DNAAF5: variants seen among roughly 807,000 people sequenced by gnomAD.
DNAAF5 encodes HEAT repeat containing 2.
DNAAF5 carries 64 observed loss-of-function variants against 75.8 expected under a neutral mutation model. That is an observed-to-expected ratio of 0.84 (90% CI 0.69 to 1.04). DNAAF5 has a LOEUF of 1.04. Among genes scored for constraint, DNAAF5 ranks in the 50% least tolerant of loss-of-function variants. DNAAF5 has a pLI of 0.00. For synonymous variants in DNAAF5, 657 were observed against 557.2 expected, an observed-to-expected ratio of 1.18 and a Z score of -2.52; for missense variants, 1,269 against 1,178.5, an observed-to-expected ratio of 1.08 and a Z score of -1.12.
chr7:730,832 C>T (rs775121912), intron 2 of DNAAF5, among the ~76,000 whole-genome samples: 1 of 152,180 alleles, frequency 6.6e-6, no homozygotes, highest in Non-Finnish European at 1.5e-5. Context: ...CTCATCAGGC[C>T]AGCGGAAGTT....
chr7:739,058 CTGGGGG>C (rs1781821632), intron 2 of DNAAF5, among the ~76,000 whole-genome samples: 1 of 144,760 alleles, frequency 6.9e-6, no homozygotes, highest in Non-Finnish European at 1.5e-5. Context: ...CCTGTTTGGG[CTGGGGG>C]CTGGCTGCAG....
At chr7:781,621 TC>T (rs1404347348) in intron 12 of DNAAF5, among the ~76,000 whole-genome samples, 1 of 152,176 alleles carries the variant, frequency 6.6e-6, no homozygotes, top group African/African-American at 2.4e-5. Context: ...TCATTTACAT[TC>T]CCACCAGCAG....
chr7:753,540 CAT>C (rs796788385), intron 4 of DNAAF5, among the ~76,000 whole-genome samples: 3 of 152,350 alleles, frequency 2.0e-5, no homozygotes, highest in African/African-American at 7.2e-5. Flanking sequence ...CCGTGTCTCT[CAT>C]ATGGCGATGG....
At chr7:770,864 C>G (rs1778539073) in intron 9 of DNAAF5, 1 of 470,742 alleles carries the variant, frequency 2.1e-6, no homozygotes, top group Non-Finnish European at 3.9e-6. Flanking sequence ...CCACAGCACT[C>G]TGGGTGAGGG....
chr7:765,624 T>C (rs1049903005), intron 8 of DNAAF5, among the ~76,000 whole-genome samples: 1 of 152,226 alleles, frequency 6.6e-6, no homozygotes, highest in Non-Finnish European at 1.5e-5. Context: ...GGCCCACATC[T>C]CCTGTCATTC....
At chr7:785,309 C>T (rs935893101) in intron 12 of DNAAF5, among the ~76,000 whole-genome samples, 2 of 151,190 alleles carry the variant, frequency 1.3e-5, no homozygotes, top group African/African-American at 4.9e-5. Context: ...GTGTCCCCAT[C>T]CAGCAGCGTC....
In DNAAF5 at chr7:746,586, C is replaced by T. The variant is rs561121102; in HGVS notation, c.1024+5121C>T. On this transcript the variant is annotated intron_variant, in intron 4 of 12. Transcript: ENST00000297440. ...CCCAGGCTCTGTGTCGTCCCTTTTC[C>T]CCGCCCGTCGTGCCTAGGGACTGTG... Among the ~76,000 whole-genome samples the T allele has an allele frequency of 3.3e-5, 5 of 150,526 alleles. 1 individual carries two copies. In the South Asian group the frequency reaches 1.1e-3, roughly 32 times the overall value.
chr7:770,668 G>A (rs766004862), intron 9 of DNAAF5, 50 bp downstream of exon 9: 2 of 1,582,354 alleles, frequency 1.3e-6, no homozygotes, highest in Non-Finnish European at 1.7e-6. Flanking sequence ...GCCTGGGCCA[G>A]GGGTCCCCAT....
chr7:744,434 T>C (rs1448501512), intron 4 of DNAAF5, among the ~76,000 whole-genome samples: 4 of 152,240 alleles, frequency 2.6e-5, no homozygotes, highest in African/African-American at 9.6e-5. Flanking sequence ...GCATGATTTA[T>C]AGTCCTTTGG....
intron 4 of DNAAF5, among the ~76,000 whole-genome samples, chr7:744,973 C>T (rs984137394): frequency 3.9e-5 from 6 of 152,168 alleles, no homozygotes; most frequent in Non-Finnish European, 8.8e-5. Context: ...AACTCACACT[C>T]TTGTCTCTGC....
chr7:758,406 G>A (rs533735501), intron 6 of DNAAF5, among the ~76,000 whole-genome samples: 6 of 152,258 alleles, frequency 3.9e-5, no homozygotes, highest in Admixed American at 6.5e-5. Context: ...CAGTTTTATC[G>A]AGGAAAAATT....
intron 2 of DNAAF5, among the ~76,000 whole-genome samples, chr7:730,724 G>C (rs889700255): frequency 4.6e-5 from 7 of 152,196 alleles, no homozygotes; most frequent in African/African-American, 1.7e-4. Flanking sequence ...TCATTCTCCG[G>C]CTCTCTCCCT....
chr7:728,514 T>C (rs1355882959), intron 1 of DNAAF5, among the ~76,000 whole-genome samples: 1 of 152,250 alleles, frequency 6.6e-6, no homozygotes, highest in African/African-American at 2.4e-5. Context: ...GTTGGTTAAC[T>C]TTGGATTTCA....
chr7:780,252 G>C lies in DNAAF5; in HGVS notation c.2431+108G>C, dbSNP rs898439215. 7 of 1,030,642 alleles carry C rather than the reference G, an allele frequency of 6.8e-6. No homozygotes were observed. In the African/African-American group the frequency reaches 8.0e-5, roughly 12 times the overall value. The allele number at this position is 1,030,642 out of a possible 1,614,324, so 63.8% of individuals were successfully genotyped here. ...GGCCACAGGGCCCTGGGGCACAGGAGGGGCCTCAGCTCCGGCCTGGCACAC... is the reference window on the plus strand; with the variant it reads ...GGCCACAGGGCCCTGGGGCACAGGACGGGCCTCAGCTCCGGCCTGGCACAC... On this transcript the variant is annotated intron_variant, in intron 12 of 12. Coordinates refer to ENST00000297440, the MANE Select transcript of DNAAF5 (RefSeq NM_017802.4).
chr7:762,022 G>A, intron 7 of DNAAF5, 126 bp downstream of exon 7: 1 of 126,068 alleles, frequency 7.9e-6, no homozygotes, highest in Non-Finnish European at 1.2e-5. Context: ...CAGGGATTGA[G>A]AACCTTGCGG....
intron 12 of DNAAF5, among the ~76,000 whole-genome samples, chr7:782,064 G>T (rs574340641): frequency 2.0e-5 from 3 of 152,344 alleles, no homozygotes; most frequent in African/African-American, 7.2e-5. Flanking sequence ...GCGCAGCTGC[G>T]TCCGGTTTCC....
rs775678178 is a variant in DNAAF5, at chr7:761,880, C to T, written c.1598C>T (p.Thr533Ile). 14 of 1,576,954 alleles carry T rather than the reference C, an allele frequency of 8.9e-6. No individual in the cohort carries two copies. In the African/African-American group the frequency reaches 1.8e-4, roughly 20 times the overall value. Residue 533 changes from threonine to isoleucine, a missense_variant, in exon 7 of 13, where the codon ACC becomes ATC. Thr to Ile is a moderately conservative substitution (Grantham distance 89). Transcript: ENST00000297440. ...ACAATAGTGGCCCTCGCAGGTGCTA[C>T]CGGCCTGAGGGACAAGGTAAGGCTG... ...LLTIVALAGA[T>I]GLRDKAQETM... is the part of the protein sequence containing the mutation.
chr7:775,418 C>T (rs1583519144), intron 11 of DNAAF5, among the ~76,000 whole-genome samples: 1 of 152,070 alleles, frequency 6.6e-6, no homozygotes, highest in Non-Finnish European at 1.5e-5. Context: ...TGGTGGCACA[C>T]ACCTGTAGTC....
In DNAAF5 at chr7:754,088, A is replaced by C. The variant is rs1370342682; in HGVS notation, c.1025-501A>C. On this transcript the variant is annotated intron_variant, in intron 4 of 12. Coordinates refer to ENST00000297440, the MANE Select transcript of DNAAF5 (RefSeq NM_017802.4). The surrounding 1 kb of genome is among the most constrained non-coding windows in gnomAD (Gnocchi z 4.8). Reference sequence around the variant, plus strand: ...CGTGTGTCTCTCTGATCATAGGGGGACGGCTTCGCAGGCGTGTCTCTCTGA... The same window carrying C: ...CGTGTGTCTCTCTGATCATAGGGGGCCGGCTTCGCAGGCGTGTCTCTCTGA... Among the ~76,000 whole-genome samples the C allele has an allele frequency of 6.8e-6, 1 of 147,096 alleles. No homozygotes were observed. The highest frequency in any genetic ancestry group is 1.5e-5 in the Non-Finnish European group (1 of 67,076).
Sources: gnomAD v4.1 joint callset for allele counts (sites outside exome capture counted in the v4.1 genomes callset) on GRCh38, gnomAD v4.1.1 for gene constraint, Gnocchi (gnomAD v3.1) non-coding constraint, MANE v1.5 for transcripts, NCBI Gene and HGNC (gene_info 2026-07-23, HGNC 2026-07-21) for gene names.